Variants in CNTNAP2 observed in about 807,000 individuals in gnomAD.
CNTNAP2 encodes contactin-associated protein-like 2.
A neutral mutation model predicts 155.2 loss-of-function variants in CNTNAP2; 98 were observed. That is an observed-to-expected ratio of 0.63 (90% CI 0.54 to 0.75). CNTNAP2 has a LOEUF of 0.75. Ranked by LOEUF, CNTNAP2 falls within the 30% of genes least tolerant of loss-of-function variation. The probability of loss-of-function intolerance (pLI) is 0.00; values close to 1 mark genes in which losing one functional copy is unlikely to be tolerated. For missense variants in CNTNAP2, 1,727 were observed against 1,688.1 expected, an observed-to-expected ratio of 1.02 and a Z score of -0.40; for synonymous variants, 651 against 631.2, an observed-to-expected ratio of 1.03 and a Z score of -0.47.
chr7:147,223,330 T>C (rs760543426), intron 8 of CNTNAP2, among the ~76,000 whole-genome samples: 1 of 152,106 alleles, frequency 6.6e-6, no homozygotes, highest in Non-Finnish European at 1.5e-5. Flanking sequence ...ACACAACACA[T>C]TCCATGAAGC....
At chr7:146,361,042 A>G (rs921197518) in intron 1 of CNTNAP2, among the ~76,000 whole-genome samples, 2 of 152,204 alleles carry the variant, frequency 1.3e-5, no homozygotes, top group African/African-American at 4.8e-5. Context: ...TTAATTGCAA[A>G]CATGTCAATA....
chr7:147,363,114 C>T (rs80141323), intron 9 of CNTNAP2, among the ~76,000 whole-genome samples: 28 of 152,210 alleles, frequency 1.8e-4, no homozygotes, highest in South Asian at 6.2e-4. Flanking sequence ...GATGCTAATA[C>T]GTGGTGGGAC....
intron 8 of CNTNAP2, among the ~76,000 whole-genome samples, chr7:147,149,532 A>G (rs1432136280): frequency 6.6e-6 from 1 of 152,244 alleles, no homozygotes; most frequent in East Asian, 1.9e-4. Context: ...TATGGAAGGT[A>G]TAATAAACTA....
intron 1 of CNTNAP2, among the ~76,000 whole-genome samples, chr7:146,691,067 T>C (rs1800690270): frequency 6.6e-6 from 1 of 152,166 alleles, no homozygotes; most frequent in Non-Finnish European, 1.5e-5. Flanking sequence ...TACCTGCATG[T>C]TATATGATGC....
chr7:148,032,201 G>A (rs1454553944), intron 15 of CNTNAP2, among the ~76,000 whole-genome samples: 3 of 152,178 alleles, frequency 2.0e-5, no homozygotes, highest in Non-Finnish European at 4.4e-5. Flanking sequence ...TCTGGCTGTG[G>A]TCATGGCTCT....
intron 1 of CNTNAP2, among the ~76,000 whole-genome samples, chr7:146,358,309 C>T (rs1223215383): frequency 6.6e-6 from 1 of 152,162 alleles, no homozygotes; most frequent in Non-Finnish European, 1.5e-5. Context: ...GCTGGGATTA[C>T]AGGCGTGAGC....
chr7:146,899,309 A>G (rs1562992279), intron 3 of CNTNAP2, among the ~76,000 whole-genome samples: 1 of 152,154 alleles, frequency 6.6e-6, no homozygotes, highest in Admixed American at 6.5e-5. Flanking sequence ...GTTGCCAACA[A>G]GACAAGTTTA....
At chr7:147,058,597 GTTTGTTTTGTT>G (rs1161823145) in intron 4 of CNTNAP2, among the ~76,000 whole-genome samples, 1 of 147,600 alleles carries the variant, frequency 6.8e-6, no homozygotes, top group Non-Finnish European at 1.5e-5. Flanking sequence ...TTTTTTGTTC[GTTTGTTTTGTT>G]TTTGTTTTTG....
At chr7:148,322,172 C>T (rs1341102339) in intron 21 of CNTNAP2, among the ~76,000 whole-genome samples, 1 of 152,202 alleles carries the variant, frequency 6.6e-6, no homozygotes, top group Admixed American at 6.5e-5. Context: ...ATCCGCCCAC[C>T]TTGGCCTCCC....
chr7:147,158,482 G>A (rs1801967048), intron 8 of CNTNAP2, among the ~76,000 whole-genome samples: 1 of 152,046 alleles, frequency 6.6e-6, no homozygotes, highest in Non-Finnish European at 1.5e-5. Context: ...TTTGTGAAAA[G>A]GAACTACTTT....
intron 15 of CNTNAP2, among the ~76,000 whole-genome samples, chr7:148,079,045 G>A (rs543024801): frequency 5.3e-5 from 8 of 152,274 alleles, no homozygotes; most frequent in Admixed American, 3.9e-4. Flanking sequence ...ATCGTTGCTT[G>A]AATTGTAGAT....
chr7:147,331,925 C>A (rs1301756332), intron 9 of CNTNAP2, among the ~76,000 whole-genome samples: 3 of 152,172 alleles, frequency 2.0e-5, no homozygotes, highest in Non-Finnish European at 4.4e-5. Context: ...CCCCTATGGT[C>A]AGCTGGCTTT....
At chr7:146,907,167 C>T (rs1354696732) in intron 3 of CNTNAP2, among the ~76,000 whole-genome samples, 2 of 152,038 alleles carry the variant, frequency 1.3e-5, no homozygotes, top group Non-Finnish European at 2.9e-5. Context: ...ACCAAATCTA[C>T]GTCTGATTGG....
intron 1 of CNTNAP2, among the ~76,000 whole-genome samples, chr7:146,731,117 C>T (rs113416987): frequency 0.012 from 1,757 of 152,202 alleles, 41 homozygotes; most frequent in African/African-American, 0.032. Context: ...TACCAAAAGT[C>T]AAATCACTAG....
At chr7:146,984,042 G>T (rs577205515) in intron 3 of CNTNAP2, among the ~76,000 whole-genome samples, 131 of 152,164 alleles carry the variant, frequency 8.6e-4, no homozygotes, top group African/African-American at 2.9e-3. Flanking sequence ...TGCCCTTCTT[G>T]TTCTTCCTCT....
intron 1 of CNTNAP2, among the ~76,000 whole-genome samples, chr7:146,264,888 T>G (rs1799970556): frequency 1.3e-5 from 2 of 152,204 alleles, no homozygotes; most frequent in African/African-American, 4.8e-5. Context: ...AATGCCACTC[T>G]GGTCATTGTA....
intron 16 of CNTNAP2, among the ~76,000 whole-genome samples, chr7:148,144,561 T>C (rs1480065485): frequency 6.6e-6 from 1 of 152,198 alleles, no homozygotes; most frequent in Non-Finnish European, 1.5e-5. Flanking sequence ...TCTGCCAGCA[T>C]CATCAAACCA....
chr7:147,211,613 G>T (rs1032663771), intron 8 of CNTNAP2, among the ~76,000 whole-genome samples: 1 of 151,960 alleles, frequency 6.6e-6, no homozygotes, highest in African/African-American at 2.4e-5. Context: ...AACCGTATGA[G>T]AAACTAGACC....
At chr7:146,600,509 T>C (rs1798934337) in intron 1 of CNTNAP2, among the ~76,000 whole-genome samples, 1 of 152,116 alleles carries the variant, frequency 6.6e-6, no homozygotes, top group Admixed American at 6.6e-5. Context: ...CACATAATCA[T>C]ATTCTAAAAG....
Sources: allele counts gnomAD v4.1 joint callset (sites outside exome capture counted in the v4.1 genomes callset), GRCh38; gene constraint gnomAD v4.1.1; transcripts MANE v1.5; gene names NCBI Gene and HGNC (gene_info 2026-07-23, HGNC 2026-07-21).